The following CFAP221 variants were observed in gnomAD, a reference collection of about 807,000 sequenced individuals.
CFAP221 encodes the protein cilia and flagella associated protein 221.
Under a neutral mutation model 113.1 loss-of-function variants are expected in CFAP221, and 97 were observed. That is an observed-to-expected ratio of 0.86 (90% CI 0.73 to 1.02). The LOEUF is 1.02. CFAP221 is among the 50% of genes least tolerant of loss of function. The pLI, the probability that CFAP221 is intolerant of heterozygous loss-of-function variation, is 0.00. For missense variants in CFAP221, 1,025 were observed against 1,013.4 expected, an observed-to-expected ratio of 1.01 and a Z score of -0.16; for synonymous variants, 331 against 354.4, an observed-to-expected ratio of 0.93 and a Z score of 0.74.
intron 7 of CFAP221, 133 bp downstream of exon 7, chr2:119,587,355 A>G (rs1171739768): frequency 2.2e-5 from 11 of 506,806 alleles, no homozygotes; most frequent in Admixed American, 8.1e-5. Context: ...ACACGTCAGA[A>G]TAACGACACT....
chr2:119,562,070 CTT>C lies in CFAP221; in HGVS notation c.485_486del (p.Phe162SerfsTer13). ...HAYPVMNSLD[F>X]PSFINLSNVL... ...CCTATCCAGTCATGAACTCACTAGA[CTT>C]TCCTTCATTTATAAATCTGTCAAAT... On this transcript the variant is annotated frameshift_variant, in exon 6 of 24. Coordinates refer to ENST00000413369, the MANE Select transcript of CFAP221 (RefSeq NM_001271049.2). LOFTEE classifies it high-confidence loss of function. 1 of 1,535,244 alleles carries C rather than the reference CTT, an allele frequency of 6.5e-7. No homozygotes were observed. Among genetic ancestry groups the C allele is most frequent in the South Asian group, 1.2e-5 (1 of 83,958 alleles).
intron 14 of CFAP221, among the ~76,000 whole-genome samples, chr2:119,617,226 C>G (rs936462858): frequency 2.0e-5 from 3 of 152,236 alleles, no homozygotes; most frequent in Non-Finnish European, 4.4e-5. Flanking sequence ...GCAGAGATCA[C>G]TGCCTTGGGG....
intron 6 of CFAP221, among the ~76,000 whole-genome samples, chr2:119,562,934 T>C (rs764375359): frequency 2.6e-5 from 4 of 152,122 alleles, no homozygotes; most frequent in Non-Finnish European, 5.9e-5. Flanking sequence ...GAGGATGGCT[T>C]GAGCCCAGGA....
intron 21 of CFAP221, among the ~76,000 whole-genome samples, chr2:119,644,660 G>C (rs1687688747): frequency 6.6e-6 from 1 of 151,844 alleles, no homozygotes; most frequent in Admixed American, 6.6e-5. Context: ...CAAAGTCAGG[G>C]ATACACACAA....
At chr2:119,577,806 C>T (rs533450554) in intron 6 of CFAP221, among the ~76,000 whole-genome samples, 36 of 152,314 alleles carry the variant, frequency 2.4e-4, no homozygotes, top group African/African-American at 8.7e-4. Context: ...GATAATCATT[C>T]GCTGAAGGAG....
intron 14 of CFAP221, among the ~76,000 whole-genome samples, chr2:119,618,832 AT>A (rs1685697319): frequency 1.3e-5 from 2 of 152,120 alleles, no homozygotes; most frequent in African/African-American, 4.8e-5. Flanking sequence ...GCTAAGATCC[AT>A]TGGCTTGAAA....
In CFAP221 at chr2:119,563,052, G is replaced by A. The variant is rs181599506; in HGVS notation, c.527+938G>A. On this transcript the variant is annotated intron_variant, in intron 6 of 23. Transcript: ENST00000413369. ...GCCTGTAGTCCCAGCTACTTGGTAG[G>A]CTGAGGCAGGAGGATTGCTAGAGCC... Among the ~76,000 whole-genome samples the A allele has an allele frequency of 1.6e-3, 250 of 152,278 alleles. 1 individual carries two copies. The highest frequency in any genetic ancestry group is 4.2e-3 in the Admixed American group (65 of 15,298).
chr2:119,629,789 A>G, intron 16 of CFAP221, 86 bp from the exon 17 acceptor site: 1 of 1,075,634 alleles, frequency 9.3e-7, no homozygotes, highest in African/African-American at 1.6e-5. Flanking sequence ...ACTGGTCACT[A>G]ATGTTTCAAA....
intron 7 of CFAP221, among the ~76,000 whole-genome samples, chr2:119,591,137 G>A (rs998583669): frequency 6.6e-6 from 1 of 152,202 alleles, no homozygotes; most frequent in Non-Finnish European, 1.5e-5. Flanking sequence ...TTCCAGGTCA[G>A]CAAATGGAGG....
Position 119,627,775 on chromosome 2 carries a change from T to A in CFAP221, c.1639T>A (p.Ser547Thr). The A allele has an allele frequency of 6.2e-7, 1 of 1,613,438 alleles. No homozygotes were observed. Among genetic ancestry groups the A allele is most frequent in the Non-Finnish European group, 8.5e-7 (1 of 1,179,734 alleles). Residue 547 changes from serine (S) to threonine (T), a missense_variant, in exon 16 of 24, where the codon TCC (serine) becomes ACC (threonine). By Grantham distance (58) the Ser-to-Thr change is moderately conservative. Coordinates refer to ENST00000413369, the MANE Select transcript of CFAP221 (RefSeq NM_001271049.2). ...AFPDCSPPQD[S>T]NELAPDGLGL... ...CCCAGACTGCAGCCCACCCCAGGAC[T>A]CCAACGAGTTGGTAGGTGCCGTCAG... is the stretch of plus-strand genomic sequence containing the variant.
At chr2:119,574,820 C>T (rs1170641337) in intron 6 of CFAP221, among the ~76,000 whole-genome samples, 1 of 152,180 alleles carries the variant, frequency 6.6e-6, no homozygotes, top group East Asian at 1.9e-4. Context: ...ACTGAACTGA[C>T]TATAATTTCT....
downstream of CFAP221, among the ~76,000 whole-genome samples, chr2:119,657,028 C>T (rs561410782): frequency 3.3e-5 from 5 of 152,188 alleles, no homozygotes; most frequent in African/African-American, 1.2e-4. Flanking sequence ...ACAGAAGCAC[C>T]TGGAGCAGGA....
intron 6 of CFAP221, 70 bp downstream of exon 6, chr2:119,562,184 G>C (rs538667196): frequency 2.0e-6 from 2 of 1,011,336 alleles, no homozygotes; most frequent in African/African-American, 3.6e-5. Context: ...CAAAACCTTA[G>C]ACTTTTGTTT....
At chr2:119,651,446 A>G (rs1688121567) in intron 22 of CFAP221, among the ~76,000 whole-genome samples, 1 of 152,130 alleles carries the variant, frequency 6.6e-6, no homozygotes, top group South Asian at 2.1e-4. Context: ...CTAGAGAAAA[A>G]GTTTACTGAC....
chr2:119,645,441 C>T (rs1359554207), intron 21 of CFAP221, among the ~76,000 whole-genome samples: 1 of 150,274 alleles, frequency 6.7e-6, no homozygotes, highest in Non-Finnish European at 1.5e-5. Context: ...TTCTTTTTTT[C>T]CCTTCTGTCT....
At chr2:119,637,184 C>T (rs770389645) in intron 19 of CFAP221, among the ~76,000 whole-genome samples, 8 of 152,178 alleles carry the variant, frequency 5.3e-5, no homozygotes, top group Non-Finnish European at 1.0e-4. Context: ...CAGTGGTCAT[C>T]GTTGCCTTCC....
chr2:119,658,273 A>G (rs1404070659), downstream of CFAP221, among the ~76,000 whole-genome samples: 1 of 152,196 alleles, frequency 6.6e-6, no homozygotes, highest in African/African-American at 2.4e-5. Flanking sequence ...TTATAATCCA[A>G]CACTACCGTT....
At chr2:119,611,177 G>A (rs193286308) in intron 12 of CFAP221, among the ~76,000 whole-genome samples, 17 of 152,134 alleles carry the variant, frequency 1.1e-4, no homozygotes, top group Non-Finnish European at 2.4e-4. Context: ...AACTTTACAG[G>A]GATGTTAAAT....
chr2:119,615,794 T>G (rs2104714053), intron 14 of CFAP221, 85 bp downstream of exon 14: 1 of 970,402 alleles, frequency 1.0e-6, no homozygotes, highest in Non-Finnish European at 1.6e-6. Context: ...ATAACACCTT[T>G]ATTGAGATAC....
Sources: allele counts gnomAD v4.1 joint callset (sites outside exome capture counted in the v4.1 genomes callset), GRCh38; gene constraint gnomAD v4.1.1; transcripts MANE v1.5; gene names NCBI Gene and HGNC (gene_info 2026-07-23, HGNC 2026-07-21).